The following PBRM1 variants were observed in gnomAD, a reference collection of about 807,000 sequenced individuals.
PBRM1 encodes protein polybromo-1.
PBRM1 carries 27 observed loss-of-function variants against 194.5 expected under a neutral mutation model. The ratio of observed to expected loss-of-function variants is 0.14; its 90% CI spans 0.10 to 0.19. The LOEUF is 0.19. PBRM1 is among the 10% of genes least tolerant of loss of function. PBRM1 has a pLI of 1.00. For missense variants in PBRM1, 1,466 were observed against 2,077.2 expected, an observed-to-expected ratio of 0.71 and a Z score of 5.72; for synonymous variants, 655 against 693.2, an observed-to-expected ratio of 0.94 and a Z score of 0.87.
chr3:52,560,438 T>C (rs2083247170), intron 25 of PBRM1: 1 of 152,252 alleles, frequency 6.6e-6, no homozygotes, highest in African/African-American at 2.4e-5. Flanking sequence ...CCAAAGAATA[T>C]TCTGCAAAAT....
At chr3:52,629,132 G>C (rs1444903775) in intron 11 of PBRM1, 97 bp from the exon 13 acceptor site, 3 of 914,390 alleles carry the variant, frequency 3.3e-6, no homozygotes, top group Non-Finnish European at 5.0e-6. Flanking sequence ...AGCACTACAT[G>C]GTATCTTTAC....
intron 10 of PBRM1, among the ~76,000 whole-genome samples, chr3:52,639,169 T>A (rs1483415913): frequency 6.6e-6 from 1 of 151,956 alleles, no homozygotes; most frequent in Non-Finnish European, 1.5e-5. Context: ...ACAGAGAAAG[T>A]TTCTCCATGT....
chr3:52,662,253 G>C (rs763677535), exon 4 of PBRM1: 5 of 1,612,622 alleles, frequency 3.1e-6, no homozygotes, highest in African/African-American at 2.7e-5. Context: ...GTTTGCAAGC[G>C]GCTTTATATT....
chr3:52,662,852 C>T (rs893314809), intron 3 of PBRM1, among the ~76,000 whole-genome samples: 2 of 149,250 alleles, frequency 1.3e-5, no homozygotes, highest in Non-Finnish European at 3.0e-5. Context: ...CACCAAAAAA[C>T]CCAAAAAAAC....
At chr3:52,584,450 CTTTTTTTTTT>C (rs397989611) in intron 20 of PBRM1, among the ~76,000 whole-genome samples, 68 of 60,756 alleles carry the variant, frequency 1.1e-3, no homozygotes, top group African/African-American at 4.9e-3. Context: ...AGTATTCTTG[CTTTTTTTTTT>C]TTTTTTTTTT....
intron 13 of PBRM1, among the ~76,000 whole-genome samples, chr3:52,619,856 CAA>C (rs1199213171): frequency 6.6e-6 from 1 of 152,138 alleles, no homozygotes; most frequent in Non-Finnish European, 1.5e-5. Flanking sequence ...TCAAGGCAAA[CAA>C]AGTGATTTAA....
exon 26 of PBRM1, chr3:52,558,311 A>G: frequency 6.5e-7 from 1 of 1,549,754 alleles, no homozygotes; most frequent in Non-Finnish European, 8.7e-7. Flanking sequence ...CACCACCCCC[A>G]TGAGAGCCCC....
At chr3:52,572,579 T>C (rs1009703933) in intron 22 of PBRM1, among the ~76,000 whole-genome samples, 1 of 152,216 alleles carries the variant, frequency 6.6e-6, no homozygotes, top group Non-Finnish European at 1.5e-5. Context: ...TTTTACCATG[T>C]TGGCCAGGCT....
At chr3:52,567,986 T>C (rs1363938207) in intron 22 of PBRM1, among the ~76,000 whole-genome samples, 2 of 151,806 alleles carry the variant, frequency 1.3e-5, no homozygotes, top group Admixed American at 1.3e-4. Flanking sequence ...ACTGGTAGTT[T>C]CTTTTTTTTT....
intron 2 of PBRM1, among the ~76,000 whole-genome samples, chr3:52,674,204 G>C (rs1459072121): frequency 1.3e-5 from 2 of 151,654 alleles, no homozygotes; most frequent in Non-Finnish European, 2.9e-5. Context: ...AGAAAGAGCT[G>C]AGCACGGTGG....
exon 24 of PBRM1, chr3:52,563,415 C>T (rs1336911500): frequency 1.2e-6 from 2 of 1,613,900 alleles, no homozygotes; most frequent in African/African-American, 2.7e-5. Context: ...CACCTTCTAA[C>T]TCGGCAAATT....
upstream of PBRM1, among the ~76,000 whole-genome samples, chr3:52,680,928 T>C (rs190003568): frequency 7.3e-5 from 11 of 150,552 alleles, no homozygotes; most frequent in Non-Finnish European, 1.5e-4. Context: ...TTTCTAAAGC[T>C]AAAAGAAAAA....
At chr3:52,642,603 C>T (rs1428136072) in intron 9 of PBRM1, among the ~76,000 whole-genome samples, 3 of 100,124 alleles carry the variant, frequency 3.0e-5, no homozygotes, top group South Asian at 2.9e-4. Flanking sequence ...GAGCAAACTT[C>T]GTCTCAAAAA....
In PBRM1 at chr3:52,604,675, CAG is replaced by C. The variant is rs571605063; in HGVS notation, c.2568-945_2568-944del. 3.3e-3 allele frequency among the ~76,000 whole-genome samples: 507 copies of C among 151,542 alleles called. 4 individuals are homozygous for C. Among genetic ancestry groups the C allele is most frequent in the African/African-American group, 0.012 (484 of 41,268 alleles). On this transcript the variant is annotated intron_variant, in intron 16 of 29. Coordinates refer to ENST00000296302, the Ensembl canonical transcript of PBRM1. The stretch of plus-strand genomic sequence containing the variant: ...ACCGCTGCATTCCCACTCTGGGCAA[CAG>C]AGCAAGACCCTGTCTGTTAAAAAAA...
chr3:52,679,563 A>G lies in PBRM1; in HGVS notation c.138+11T>C. The stretch of plus-strand genomic sequence containing the variant: ...AGAGCAGGCAGAAACCATGTAATCC[A>G]AGTTACTCACAGGATCTACAGTTGG... On this transcript the variant is annotated intron_variant, in intron 1 of 29. Coordinates refer to ENST00000296302, the Ensembl canonical transcript of PBRM1. The G allele has an allele frequency of 6.2e-7, 1 of 1,609,838 alleles. No homozygotes were observed. Among genetic ancestry groups the G allele is most frequent in the Non-Finnish European group, 8.5e-7 (1 of 1,177,774 alleles).
At chr3:52,560,934 G>C (rs1173819241) in intron 25 of PBRM1, among the ~76,000 whole-genome samples, 1 of 151,934 alleles carries the variant, frequency 6.6e-6, no homozygotes, top group Non-Finnish European at 1.5e-5. Flanking sequence ...CCTAAGAAGA[G>C]TAGTGGTTGA....
chr3:52,562,563 G>A (rs1438431783), intron 24 of PBRM1, among the ~76,000 whole-genome samples: 2 of 118,978 alleles, frequency 1.7e-5, no homozygotes, highest in Admixed American at 9.3e-5. Flanking sequence ...TTTTTTAAAT[G>A]ATACAGGGTC....
intron 20 of PBRM1, among the ~76,000 whole-genome samples, chr3:52,579,848 C>T (rs1235613371): frequency 6.6e-6 from 1 of 152,176 alleles, no homozygotes; most frequent in Non-Finnish European, 1.5e-5. Flanking sequence ...TATTTAAAAG[C>T]AGACTCATTC....
At chr3:52,571,779 C>T (rs544431864) in intron 22 of PBRM1, among the ~76,000 whole-genome samples, 11 of 133,136 alleles carry the variant, frequency 8.3e-5, no homozygotes, top group African/African-American at 8.3e-5. Flanking sequence ...CCAGCACTTT[C>T]GGGGAGGCTG....
Sources: gnomAD v4.1 joint callset for allele counts (sites outside exome capture counted in the v4.1 genomes callset) on GRCh38, gnomAD v4.1.1 for gene constraint, MANE v1.5 for transcripts, NCBI Gene and HGNC (gene_info 2026-07-23, HGNC 2026-07-21) for gene names.